The following PHACTR3 variants were observed in gnomAD, a reference collection of about 807,000 sequenced individuals.
PHACTR3 encodes protein phosphatase 1, regulatory subunit 123.
Under a neutral mutation model 66.8 loss-of-function variants are expected in PHACTR3, and 16 were observed. The ratio of observed to expected loss-of-function variants is 0.24; its 90% CI spans 0.16 to 0.36. The LOEUF is 0.36. PHACTR3 is among the 10% of genes least tolerant of loss of function. PHACTR3 has a pLI of 1.00. For synonymous variants in PHACTR3, 323 were observed against 292.1 expected (o/e 1.11, Z -1.08); for missense variants, 647 against 719.9 (o/e 0.90, Z 1.16).
chr20:59,833,117 G>A (rs1334477654), intron 8 of PHACTR3, among the ~76,000 whole-genome samples: 1 of 152,194 alleles, frequency 6.6e-6, no homozygotes, highest in Non-Finnish European at 1.5e-5. Context: ...AGCCAGTGGG[G>A]TCCTGGCCTG....
chr20:59,798,114 G>T (rs2041306537), intron 7 of PHACTR3, among the ~76,000 whole-genome samples: 1 of 152,136 alleles, frequency 6.6e-6, no homozygotes, highest in South Asian at 2.1e-4. Flanking sequence ...CAAGAAGCTG[G>T]CAAGTTCAAT....
intron 1 of PHACTR3, among the ~76,000 whole-genome samples, chr20:59,703,598 A>G (rs1480323496): frequency 6.6e-6 from 1 of 152,240 alleles, no homozygotes; most frequent in African/African-American, 2.4e-5. Context: ...AGACATGTGC[A>G]TGATAAATAT....
At chr20:59,764,708 C>G (rs1268564565) in intron 4 of PHACTR3, among the ~76,000 whole-genome samples, 3 of 152,182 alleles carry the variant, frequency 2.0e-5, no homozygotes, top group Non-Finnish European at 2.9e-5. Flanking sequence ...GACCAGTACC[C>G]TGAGAGCGTA....
chr20:59,645,242 T>A (rs1377454880), intron 1 of PHACTR3, among the ~76,000 whole-genome samples: 3 of 127,496 alleles, frequency 2.4e-5, no homozygotes, highest in East Asian at 2.5e-4. Flanking sequence ...TTTTTTTTTT[T>A]ACCCACTCTC....
At chr20:59,630,457 A>G (rs2034622749) in intron 1 of PHACTR3, among the ~76,000 whole-genome samples, 1 of 152,238 alleles carries the variant, frequency 6.6e-6, no homozygotes, top group Non-Finnish European at 1.5e-5. Context: ...TGCTGGGATT[A>G]CAGGCTTGAG....
At chr20:59,774,154 G>C in intron 6 of PHACTR3, 89 bp from the exon 7 acceptor site, 1 of 1,493,124 alleles carries the variant, frequency 6.7e-7, no homozygotes, top group Non-Finnish European at 9.0e-7. Flanking sequence ...GGCTGCCTCT[G>C]TGATATTCAT....
intron 1 of PHACTR3, among the ~76,000 whole-genome samples, chr20:59,698,510 T>C (rs2037382532): frequency 6.6e-6 from 1 of 152,170 alleles, no homozygotes; most frequent in African/African-American, 2.4e-5. Context: ...ACACACCAGA[T>C]GATAGCTTCA....
intron 1 of PHACTR3, among the ~76,000 whole-genome samples, chr20:59,723,056 CTTTCTCTT>C (rs1282047698): frequency 7.1e-6 from 1 of 140,728 alleles, no homozygotes; most frequent in Non-Finnish European, 1.5e-5. Context: ...TTCTTTCTTT[CTTTCTCTT>C]TCTTTCTTTC....
rs1420732671 is a variant in PHACTR3 at position 59,736,797 on chromosome 20, T to C, written c.119-6310T>C. 1.3e-5 allele frequency among the ~76,000 whole-genome samples: 2 copies of C among 152,120 alleles called. No homozygotes were observed. Among genetic ancestry groups the C allele is most frequent in the Non-Finnish European group, 2.9e-5 (2 of 68,010 alleles). On this transcript the variant is annotated intron_variant, in intron 1 of 12. Transcript: ENST00000371015. This position sits in a 1 kb window ranked among gnomAD's most constrained non-coding sequence, Gnocchi z 4.6. ...GTTTCTCTTCTTGGGCGGAGAGTCA[T>C]AGCTCTCACAAGCCCTCCCCTGGCA...
intron 11 of PHACTR3, chr20:59,844,317 G>A (rs895198205): frequency 4.6e-5 from 7 of 151,944 alleles, no homozygotes; most frequent in African/African-American, 7.2e-5. Flanking sequence ...AGGTATACAC[G>A]CAAAGGAAAT....
intron 2 of PHACTR3, among the ~76,000 whole-genome samples, chr20:59,745,847 G>C (rs1369116231): frequency 6.6e-6 from 1 of 152,196 alleles, no homozygotes; most frequent in Non-Finnish European, 1.5e-5. Context: ...ATCCCCGAGA[G>C]GGGGAGGGTA....
intron 3 of PHACTR3, among the ~76,000 whole-genome samples, chr20:59,754,259 C>G (rs1244262876): frequency 1.3e-5 from 2 of 152,202 alleles, no homozygotes; most frequent in Non-Finnish European, 2.9e-5. Flanking sequence ...AAGGGCCAGA[C>G]CCTCAGAGGC....
intron 3 of PHACTR3, 36 bp from the exon 4 acceptor site, chr20:59,755,146 G>A (rs2039737975): frequency 3.8e-6 from 6 of 1,593,196 alleles, no homozygotes; most frequent in Non-Finnish European, 4.3e-6. Context: ...AAGGAAGGGA[G>A]GTGCAGGCCC....
chr20:59,686,523 G>A (rs2146560098), intron 1 of PHACTR3, among the ~76,000 whole-genome samples: 1 of 152,240 alleles, frequency 6.6e-6, no homozygotes, highest in Middle Eastern at 3.4e-3. Context: ...TGATTGTGAT[G>A]TTGATGGTGA....
rs1388742009 is a variant in PHACTR3, at chr20:59,604,872, C to T, written c.-143C>T. On this transcript the variant is annotated 5_prime_UTR_variant, in exon 1 of 13. Coordinates refer to ENST00000371015, the MANE Select transcript of PHACTR3 (RefSeq NM_080672.5). ...GTCTTTCTCCAGCTCGTTTCCTTTC[C>T]CGGCCTTTTTTTTTTTTTTTTTTTT... 2 of 1,196,012 alleles carry T rather than the reference C, an allele frequency of 1.7e-6. No individual in the cohort carries two copies. The highest frequency in any genetic ancestry group is 2.1e-6 in the Non-Finnish European group (2 of 967,544). 74.1% of individuals were successfully genotyped at this position (1,196,012 alleles called of 1,614,324 possible). A position where few individuals can be genotyped will look rare whatever the true frequency, so the allele number is the denominator to read the frequency against.
chr20:59,733,108 C>T (rs1399946015), intron 1 of PHACTR3, among the ~76,000 whole-genome samples: 2 of 150,602 alleles, frequency 1.3e-5, no homozygotes, highest in African/African-American at 2.5e-5. Flanking sequence ...CCCTGCCCTC[C>T]ACCCAACACC....
At chr20:59,650,856 C>A (rs568781662) in intron 1 of PHACTR3, among the ~76,000 whole-genome samples, 3 of 151,826 alleles carry the variant, frequency 2.0e-5, no homozygotes, top group Admixed American at 6.6e-5. Flanking sequence ...CTAGTTGTTA[C>A]CTCTGCAGTG....
intron 7 of PHACTR3, among the ~76,000 whole-genome samples, chr20:59,797,489 A>G (rs2146971640): frequency 2.0e-5 from 3 of 152,246 alleles, no homozygotes; most frequent in Middle Eastern, 6.8e-3. Context: ...ATATTTTGGG[A>G]AAAACTTTTA....
At chr20:59,707,082 G>A (rs2146631218) in intron 1 of PHACTR3, among the ~76,000 whole-genome samples, 1 of 152,308 alleles carries the variant, frequency 6.6e-6, no homozygotes, top group South Asian at 2.1e-4. Flanking sequence ...GGCATTGATT[G>A]GTTCACCGAG....
Sources: allele counts gnomAD v4.1 joint callset (sites outside exome capture counted in the v4.1 genomes callset), GRCh38; gene constraint gnomAD v4.1.1; non-coding constraint Gnocchi (gnomAD v3.1); transcripts MANE v1.5; gene names NCBI Gene and HGNC (gene_info 2026-07-23, HGNC 2026-07-21).